The following PDE4B variants were observed in gnomAD, a reference collection of about 807,000 sequenced individuals.
PDE4B encodes the protein phosphodiesterase 4B.
In PDE4B, 20 loss-of-function variants were observed where a neutral mutation model predicts 82.2. That is an observed-to-expected ratio of 0.24 (90% CI 0.17 to 0.35). PDE4B has a LOEUF of 0.35. PDE4B is among the 10% of genes least tolerant of loss of function. PDE4B has a pLI of 1.00. For synonymous variants in PDE4B, 320 were observed against 318.9 expected, an observed-to-expected ratio of 1.00 and a Z score of -0.04; for missense variants, 655 against 907.2, an observed-to-expected ratio of 0.72 and a Z score of 3.57.
chr1:65,858,451 C>G (rs1030116498), intron 1 of PDE4B, among the ~76,000 whole-genome samples: 1 of 152,136 alleles, frequency 6.6e-6, no homozygotes, highest in African/African-American at 2.4e-5. Context: ...GGCTATTTGG[C>G]TGCAAGTTCC....
chr1:66,146,802 C>T (rs1302068414), intron 3 of PDE4B, among the ~76,000 whole-genome samples: 1 of 152,162 alleles, frequency 6.6e-6, no homozygotes, highest in Non-Finnish European at 1.5e-5. Flanking sequence ...GACACAAATC[C>T]TATTTTAAAC....
chr1:66,190,072 C>G (rs577258298), intron 3 of PDE4B, among the ~76,000 whole-genome samples: 1 of 152,134 alleles, frequency 6.6e-6, no homozygotes, highest in African/African-American at 2.4e-5. Context: ...CTCAGCTGCA[C>G]GTCTGTTGGA....
Position 66,374,421 on chromosome 1 carries a change from A to ATGGGTT in PDE4B, c.*1745_*1746insGGTTTG, listed in dbSNP as rs368800294. On this transcript the variant is annotated 3_prime_UTR_variant, in exon 17 of 17. Transcript: ENST00000341517. ...AAAATGGCACAAATGTGCATGACCA[A>ATGGGTT]TGTATGTCTATGAACACTGCATTGT... 0.31 allele frequency: 47,115 copies of ATGGGTT among 152,230 alleles called. 7,460 individuals are homozygous for ATGGGTT. Among genetic ancestry groups the ATGGGTT allele is most frequent in the Non-Finnish European group, 0.35 (23,415 of 67,810 alleles). 9.4% of individuals were successfully genotyped at this position (152,230 alleles called of 1,614,324 possible).
chr1:66,083,513 C>G (rs545080185), intron 3 of PDE4B, among the ~76,000 whole-genome samples: 1 of 152,126 alleles, frequency 6.6e-6, no homozygotes, highest in South Asian at 2.1e-4. Flanking sequence ...AACCAAGATT[C>G]TTCATAGACC....
At chr1:65,822,077 T>G (rs186418638) in intron 1 of PDE4B, among the ~76,000 whole-genome samples, 1 of 152,212 alleles carries the variant, frequency 6.6e-6, no homozygotes, top group Non-Finnish European at 1.5e-5. Context: ...TTAGATTTCC[T>G]TATAGGTATG....
intron 3 of PDE4B, among the ~76,000 whole-genome samples, chr1:65,959,856 C>T (rs1480510454): frequency 3.3e-5 from 5 of 152,050 alleles, no homozygotes; most frequent in East Asian, 1.9e-4. Context: ...TCCCTTACCA[C>T]GTCTATTTCA....
chr1:66,227,675 G>T (rs535759256), intron 3 of PDE4B, among the ~76,000 whole-genome samples: 1 of 152,218 alleles, frequency 6.6e-6, no homozygotes, highest in East Asian at 1.9e-4. Flanking sequence ...ACTTTTCAAA[G>T]AAAATGTACA....
intron 3 of PDE4B, among the ~76,000 whole-genome samples, chr1:65,937,593 C>T (rs1452225927): frequency 6.6e-6 from 1 of 152,268 alleles, no homozygotes; most frequent in East Asian, 1.9e-4. Flanking sequence ...GGCTTCACCA[C>T]CCACTGGAAT....
intron 1 of PDE4B, among the ~76,000 whole-genome samples, chr1:65,909,199 AT>A (rs1212133082): frequency 6.6e-6 from 1 of 152,196 alleles, no homozygotes; most frequent in Non-Finnish European, 1.5e-5. Flanking sequence ...TACATAAGAA[AT>A]AGAATGAAAG....
chr1:66,030,939 A>T (rs927670652), intron 3 of PDE4B, among the ~76,000 whole-genome samples: 2 of 152,208 alleles, frequency 1.3e-5, no homozygotes, highest in African/African-American at 2.4e-5. Flanking sequence ...TACAGGAATG[A>T]TAGACCCTGG....
intron 3 of PDE4B, among the ~76,000 whole-genome samples, chr1:66,201,639 G>A (rs1285450326): frequency 1.3e-5 from 2 of 151,320 alleles, no homozygotes; most frequent in East Asian, 1.9e-4. Flanking sequence ...GCGTAGAGGT[G>A]TTTGTAGTAT....
intron 8 of PDE4B, among the ~76,000 whole-genome samples, chr1:66,335,074 CTT>C (rs1255965801): frequency 1.3e-5 from 2 of 152,338 alleles, no homozygotes; most frequent in South Asian, 2.1e-4. Context: ...CATCTTAAAA[CTT>C]TATCATGATC....
intron 3 of PDE4B, among the ~76,000 whole-genome samples, chr1:66,142,610 T>A (rs1448928235): frequency 6.6e-6 from 1 of 152,168 alleles, no homozygotes; most frequent in East Asian, 1.9e-4. Context: ...GGAAACAACT[T>A]CTGGACTAGT....
chr1:66,298,841 C>T (rs538225895), intron 7 of PDE4B, among the ~76,000 whole-genome samples: 34 of 152,266 alleles, frequency 2.2e-4, no homozygotes, highest in African/African-American at 7.9e-4. Context: ...CCTGAAATGT[C>T]TTTCACATGG....
intron 3 of PDE4B, among the ~76,000 whole-genome samples, chr1:65,932,376 G>A (rs765992423): frequency 6.6e-6 from 1 of 152,082 alleles, no homozygotes; most frequent in Non-Finnish European, 1.5e-5. Context: ...AACACTGATT[G>A]TACCTAGCAT....
At chr1:65,901,953 T>C (rs1282706933) in intron 1 of PDE4B, among the ~76,000 whole-genome samples, 1 of 152,108 alleles carries the variant, frequency 6.6e-6, no homozygotes, top group African/African-American at 2.4e-5. Context: ...TTAACATTGC[T>C]TCTGCTGCAT....
intron 3 of PDE4B, among the ~76,000 whole-genome samples, chr1:66,198,534 G>A (rs550919173): frequency 3.3e-5 from 5 of 152,166 alleles, no homozygotes; most frequent in African/African-American, 1.2e-4. Flanking sequence ...TGTTTCCAAA[G>A]CCTCAAAGAC....
intron 9 of PDE4B, 84 bp downstream of exon 9, chr1:66,355,704 T>G: frequency 1.4e-6 from 1 of 721,366 alleles, no homozygotes; most frequent in South Asian, 2.0e-5. Context: ...CATCCTCATG[T>G]GAATTTGGGA....
intron 1 of PDE4B, among the ~76,000 whole-genome samples, chr1:65,875,982 A>G (rs1646637478): frequency 6.6e-6 from 1 of 151,656 alleles, no homozygotes; most frequent in Admixed American, 6.6e-5. Context: ...AAAAAGAAAG[A>G]TTTTTTTCTT....
Sources: allele counts gnomAD v4.1 joint callset (sites outside exome capture counted in the v4.1 genomes callset), GRCh38; gene constraint gnomAD v4.1.1; transcripts MANE v1.5; gene names NCBI Gene and HGNC (gene_info 2026-07-23, HGNC 2026-07-21).